Variants in RNF150 observed in about 807,000 individuals in gnomAD.
RNF150 encodes the protein ring finger protein 150.
Under a neutral mutation model 39.3 loss-of-function variants are expected in RNF150, and 24 were observed. The ratio of observed to expected loss-of-function variants is 0.61; its 90% CI spans 0.44 to 0.86. RNF150 has a LOEUF of 0.86. RNF150 is among the 40% of genes least tolerant of loss of function. The pLI is 0.00. For missense variants in RNF150, 502 were observed against 587.8 expected, an observed-to-expected ratio of 0.85 and a Z score of 1.51; for synonymous variants, 255 against 227.3, an observed-to-expected ratio of 1.12 and a Z score of -1.10.
intron 1 of RNF150, among the ~76,000 whole-genome samples, chr4:141,043,260 C>T (rs566322679): frequency 1.3e-5 from 2 of 152,004 alleles, no homozygotes; most frequent in African/African-American, 4.8e-5. Context: ...AAATATGGTA[C>T]GTTTGTGAAG....
rs955525095 is a variant in RNF150, at chr4:141,057,500, C to T, written c.484+74825G>A. Among the ~76,000 whole-genome samples the T allele has an allele frequency of 1.3e-4, 20 of 152,082 alleles. No homozygotes were observed. The East Asian group carries it at 1.5e-3, about 12-fold the overall frequency. Reference sequence around the variant, plus strand: ...ATGAGATTTTAGTGCACCCATCACTCGAGAATGTACACTGTACCCCATAAG... The same window carrying T: ...ATGAGATTTTAGTGCACCCATCACTTGAGAATGTACACTGTACCCCATAAG... On this transcript the variant is annotated intron_variant, in intron 1 of 6. Coordinates refer to ENST00000515673, the MANE Select transcript of RNF150 (RefSeq NM_020724.2).
intron 1 of RNF150, among the ~76,000 whole-genome samples, chr4:141,110,512 A>G (rs999653494): frequency 8.6e-5 from 13 of 151,158 alleles, no homozygotes; most frequent in Non-Finnish European, 1.9e-4. Flanking sequence ...TGCAGCCTAA[A>G]GCTCCTGGGC....
At chr4:141,091,888 A>G in intron 1 of RNF150, among the ~76,000 whole-genome samples, 1 of 151,796 alleles carries the variant, frequency 6.6e-6, no homozygotes, top group East Asian at 1.9e-4. Context: ...TGATGGTGCC[A>G]AACAGAGATA....
Position 140,863,148 on chromosome 4 carries a change from T to C in RNF150, c.*5113A>G, listed in dbSNP as rs1413741770. On this transcript the variant is annotated 3_prime_UTR_variant, in exon 7 of 7. Coordinates refer to ENST00000515673, the MANE Select transcript of RNF150 (RefSeq NM_020724.2). ...ACTTGTGCTAAGTAGTTAGGAAGAA[T>C]GGGCATTCCATCAGGTACAGTATAC... The C allele has an allele frequency of 6.6e-6, 1 of 152,124 alleles. No homozygotes were observed. Among genetic ancestry groups the C allele is most frequent in the African/African-American group, 2.4e-5 (1 of 41,428 alleles). The allele number at this position is 152,124 out of a possible 1,614,324, so 9.4% of individuals were successfully genotyped here.
chr4:141,169,229 C>A (rs1465075083), intron 1 of RNF150, among the ~76,000 whole-genome samples: 1 of 151,998 alleles, frequency 6.6e-6, no homozygotes, highest in Non-Finnish European at 1.5e-5. Context: ...GTGTGTAGCA[C>A]CGCCCCCTTT....
At chr4:140,968,939 G>A (rs1226344451) in intron 1 of RNF150, among the ~76,000 whole-genome samples, 4 of 151,726 alleles carry the variant, frequency 2.6e-5, no homozygotes, top group South Asian at 2.1e-4. Context: ...AGATGATTAG[G>A]GCACAGAGGC....
intron 1 of RNF150, among the ~76,000 whole-genome samples, chr4:141,210,472 G>C (rs1728444104): frequency 7.1e-6 from 1 of 141,510 alleles, no homozygotes; most frequent in Non-Finnish European, 1.5e-5. Flanking sequence ...TTAATGTGCT[G>C]GTTGCAGTTT....
chr4:140,890,492 G>T (rs1170093852), intron 6 of RNF150, among the ~76,000 whole-genome samples: 2 of 152,142 alleles, frequency 1.3e-5, no homozygotes, highest in Non-Finnish European at 2.9e-5. Flanking sequence ...AATGATATTA[G>T]AAGGTGGGGG....
intron 1 of RNF150, among the ~76,000 whole-genome samples, chr4:141,036,187 AT>A (rs996925987): frequency 1.3e-5 from 2 of 152,118 alleles, no homozygotes; most frequent in Non-Finnish European, 2.9e-5. Flanking sequence ...CACTCTAGCA[AT>A]AGTTTATTTT....
intron 1 of RNF150, among the ~76,000 whole-genome samples, chr4:141,184,884 T>TGTGTGA (rs1727973631): frequency 6.6e-6 from 1 of 151,942 alleles, no homozygotes; most frequent in Middle Eastern, 3.4e-3. Flanking sequence ...TGTGTGTGTG[T>TGTGTGA]GTGTGTGTGA....
chr4:141,107,111 A>G (rs1739236949), intron 1 of RNF150, among the ~76,000 whole-genome samples: 1 of 152,192 alleles, frequency 6.6e-6, no homozygotes, highest in South Asian at 2.1e-4. Context: ...CCTAGAAATA[A>G]AGGATGACAT....
chr4:141,209,481 T>C (rs1728429662), intron 1 of RNF150, among the ~76,000 whole-genome samples: 1 of 152,214 alleles, frequency 6.6e-6, no homozygotes, highest in African/African-American at 2.4e-5. Context: ...TTTTTGCATA[T>C]ATTTCCTGCT....
chr4:140,911,010 CA>C, intron 6 of RNF150, 133 bp downstream of exon 6: 2 of 714,030 alleles, frequency 2.8e-6, no homozygotes, highest in South Asian at 1.9e-5. Flanking sequence ...TAACAGCTGG[CA>C]GTTATAACTG....
At chr4:141,159,991 C>A (rs566752611) in intron 1 of RNF150, among the ~76,000 whole-genome samples, 2 of 152,130 alleles carry the variant, frequency 1.3e-5, no homozygotes, top group African/African-American at 2.4e-5. Flanking sequence ...CCTTGATTCC[C>A]AAAGGTTCTA....
intron 1 of RNF150, among the ~76,000 whole-genome samples, chr4:141,003,588 C>G (rs1157865200): frequency 6.6e-6 from 1 of 151,798 alleles, no homozygotes; most frequent in African/African-American, 2.4e-5. Context: ...CACACACACA[C>G]ACACACACAC....
At chr4:141,146,739 C>T (rs1187624498) in intron 1 of RNF150, among the ~76,000 whole-genome samples, 1 of 152,130 alleles carries the variant, frequency 6.6e-6, no homozygotes, top group East Asian at 1.9e-4. Flanking sequence ...CACCAAATGA[C>T]CTTGCTGGAC....
intron 1 of RNF150, among the ~76,000 whole-genome samples, chr4:140,996,367 T>G (rs1265222639): frequency 2.6e-5 from 4 of 152,214 alleles, no homozygotes; most frequent in African/African-American, 9.6e-5. Context: ...CCTTGTACAT[T>G]GTTTATTAAT....
At chr4:141,093,443 A>T (rs1206541418) in intron 1 of RNF150, among the ~76,000 whole-genome samples, 2 of 152,122 alleles carry the variant, frequency 1.3e-5, no homozygotes, top group African/African-American at 4.8e-5. Flanking sequence ...ATAGAAAAAC[A>T]AAAAAACAAA....
At chr4:141,130,350 C>T (rs1233492593) in intron 1 of RNF150, among the ~76,000 whole-genome samples, 1 of 145,800 alleles carries the variant, frequency 6.9e-6, no homozygotes, top group Non-Finnish European at 1.5e-5. Flanking sequence ...GTTTCCTGGC[C>T]ATTGGCAGAT....
Sources: gnomAD v4.1 joint callset for allele counts (sites outside exome capture counted in the v4.1 genomes callset) on GRCh38, gnomAD v4.1.1 for gene constraint, MANE v1.5 for transcripts, NCBI Gene and HGNC (gene_info 2026-07-23, HGNC 2026-07-21) for gene names.